Variants in PLGRKT observed in about 807,000 individuals in gnomAD.
The protein encoded by PLGRKT is plasminogen receptor with a C-terminal lysine.
In PLGRKT, 22 loss-of-function variants were observed where a neutral mutation model predicts 18.5. That is an observed-to-expected ratio of 1.19 (90% CI 0.85 to 1.70). PLGRKT has a LOEUF of 1.70. PLGRKT is among the 40% of genes most tolerant of loss of function. The probability of loss-of-function intolerance (pLI) is 0.00; values close to 1 mark genes in which losing one functional copy is unlikely to be tolerated. For missense variants in PLGRKT, 235 were observed against 174.4 expected, an observed-to-expected ratio of 1.35 and a Z score of -1.96; for synonymous variants, 72 against 52.8, an observed-to-expected ratio of 1.36 and a Z score of -1.58.
chr9:5,423,975 A>G (rs1818627473), intron 3 of PLGRKT, among the ~76,000 whole-genome samples: 1 of 140,482 alleles, frequency 7.1e-6, no homozygotes, highest in Non-Finnish European at 1.5e-5. Flanking sequence ...GTAATACACA[A>G]TATATGTAAT....
intron 3 of PLGRKT, among the ~76,000 whole-genome samples, chr9:5,365,150 A>G (rs1413120225): frequency 6.6e-6 from 1 of 152,154 alleles, no homozygotes. Flanking sequence ...AGGGCTCCTT[A>G]GAGAAATAGC....
At chr9:5,399,888 A>G (rs111365822) in intron 3 of PLGRKT, among the ~76,000 whole-genome samples, 1,847 of 151,702 alleles carry the variant, frequency 0.012, 70 homozygotes, top group African/African-American at 0.043. Flanking sequence ...CTACTCAGGA[A>G]GCTGAGGAAG....
At chr9:5,403,615 C>A (rs1343396720) in intron 3 of PLGRKT, among the ~76,000 whole-genome samples, 1 of 152,208 alleles carries the variant, frequency 6.6e-6, no homozygotes, top group East Asian at 1.9e-4. Context: ...TACTAAAGCA[C>A]AAGAAAACAA....
At position 5,427,430 on chromosome 9, in the gene PLGRKT, A is replaced by G. The variant is rs150231447; in HGVS notation, c.81+4467T>C. ...AGTTCTCAATATGAAAAAAAAAATC[A>G]TATGCCAAGGTTATTAAGATCTACA... On this transcript the variant is annotated intron_variant, in intron 3 of 5. Transcript: ENST00000223864. Among the ~76,000 whole-genome samples, 255 of 152,322 alleles carry G rather than the reference A, an allele frequency of 1.7e-3. 1 individual carries two copies. The highest frequency in any genetic ancestry group is 6.8e-3 in the Middle Eastern group (2 of 294).
At chr9:5,376,307 C>T (rs1266436046) in intron 3 of PLGRKT, among the ~76,000 whole-genome samples, 5 of 152,104 alleles carry the variant, frequency 3.3e-5, no homozygotes, top group African/African-American at 4.8e-5. Flanking sequence ...AAGGGAGAGG[C>T]GCAGTGAAGG....
At chr9:5,426,801 C>T (rs1818710673) in intron 3 of PLGRKT, among the ~76,000 whole-genome samples, 1 of 152,174 alleles carries the variant, frequency 6.6e-6, no homozygotes, top group Admixed American at 6.5e-5. Context: ...AAAGAGCAGA[C>T]TTGCTCATCA....
intron 3 of PLGRKT, among the ~76,000 whole-genome samples, chr9:5,387,459 A>G (rs1389588498): frequency 6.6e-6 from 1 of 152,018 alleles, no homozygotes; most frequent in Non-Finnish European, 1.5e-5. Flanking sequence ...ATACTATAAA[A>G]CATGGAAAAA....
At chr9:5,360,672 C>T (rs1040315722) in intron 5 of PLGRKT, among the ~76,000 whole-genome samples, 3 of 152,188 alleles carry the variant, frequency 2.0e-5, no homozygotes, top group East Asian at 3.9e-4. Context: ...ATTATATCTG[C>T]ATTTCTATCA....
intron 5 of PLGRKT, among the ~76,000 whole-genome samples, chr9:5,359,330 G>A (rs1467833957): frequency 6.6e-6 from 1 of 152,134 alleles, no homozygotes; most frequent in African/African-American, 2.4e-5. Context: ...GATTACAGGT[G>A]TGAGCCACTG....
At chr9:5,419,100 G>A (rs919683749) in intron 3 of PLGRKT, 6 of 219,724 alleles carry the variant, frequency 2.7e-5, no homozygotes, top group African/African-American at 1.4e-4. Context: ...ACTCACAGGT[G>A]TGTTCATTTT....
At chr9:5,420,896 A>C (rs1818563340) in intron 3 of PLGRKT, among the ~76,000 whole-genome samples, 1 of 152,268 alleles carries the variant, frequency 6.6e-6, no homozygotes, top group Non-Finnish European at 1.5e-5. Context: ...CAAGTGTGAC[A>C]GATACTGGGA....
chr9:5,384,950 C>T (rs1817814410), intron 3 of PLGRKT, among the ~76,000 whole-genome samples: 2 of 152,010 alleles, frequency 1.3e-5, no homozygotes, highest in South Asian at 4.1e-4. Flanking sequence ...TTTGGTATTG[C>T]TTACACCTTT....
intron 3 of PLGRKT, among the ~76,000 whole-genome samples, chr9:5,399,010 A>ACT (rs1448695464): frequency 6.6e-6 from 1 of 151,478 alleles, no homozygotes; most frequent in Admixed American, 6.6e-5. Context: ...ACTTTTTCTC[A>ACT]CTGGAGAGAC....
intron 3 of PLGRKT, among the ~76,000 whole-genome samples, chr9:5,408,932 T>G (rs1818308220): frequency 6.6e-6 from 1 of 152,254 alleles, no homozygotes; most frequent in African/African-American, 2.4e-5. Flanking sequence ...GTGCAAGCTG[T>G]AAGTCTTGGC....
chr9:5,432,579 C>A (rs938953169), intron 2 of PLGRKT, among the ~76,000 whole-genome samples: 2 of 151,536 alleles, frequency 1.3e-5, no homozygotes, highest in Non-Finnish European at 2.9e-5. Context: ...CTCGCTGCAA[C>A]CTCCCTGCCT....
intron 1 of PLGRKT, among the ~76,000 whole-genome samples, chr9:5,437,464 G>A (rs771831910): frequency 1.3e-5 from 2 of 152,206 alleles, no homozygotes; most frequent in Non-Finnish European, 2.9e-5. Flanking sequence ...CACCGCCCTT[G>A]CTCCCTGAGG....
In PLGRKT at chr9:5,418,619, G is replaced by T; in HGVS notation, c.81+13278C>A. 1.4e-6 allele frequency: 1 copy of T among 721,148 alleles called. No homozygotes were observed. 44.7% of individuals were successfully genotyped at this position (721,148 alleles called of 1,614,324 possible). ...GACTTCTGCCGGTTCCTGGGCAGCA[G>T]GTGGCGGCTCATATCTCCGGGCAGC... On this transcript the variant is annotated intron_variant, in intron 3 of 5. Coordinates refer to ENST00000223864, the MANE Select transcript of PLGRKT (RefSeq NM_018465.4). The surrounding 1 kb of genome is among the most constrained non-coding windows in gnomAD (Gnocchi z 4.2).
At chr9:5,374,579 G>A (rs1366687345) in intron 3 of PLGRKT, among the ~76,000 whole-genome samples, 1 of 152,302 alleles carries the variant, frequency 6.6e-6, no homozygotes, top group East Asian at 1.9e-4. Flanking sequence ...AGAGTCACAT[G>A]AAATTGGGTT....
intron 3 of PLGRKT, among the ~76,000 whole-genome samples, chr9:5,367,840 C>A (rs1817428588): frequency 6.6e-6 from 1 of 152,128 alleles, no homozygotes. Flanking sequence ...AATTATATAT[C>A]TGACAAAGGT....
Sources: gnomAD v4.1 joint callset for allele counts (sites outside exome capture counted in the v4.1 genomes callset) on GRCh38, gnomAD v4.1.1 for gene constraint, Gnocchi (gnomAD v3.1) non-coding constraint, MANE v1.5 for transcripts, NCBI Gene and HGNC (gene_info 2026-07-23, HGNC 2026-07-21) for gene names.